ENAH: variants seen among roughly 807,000 people sequenced by gnomAD.
ENAH encodes ENAH actin regulator, also known as protein enabled homolog.
A neutral mutation model predicts 78.7 loss-of-function variants in ENAH; 23 were observed. That is an observed-to-expected ratio of 0.29 (90% CI 0.21 to 0.41). The LOEUF is 0.41. Ranked by LOEUF, ENAH falls within the 10% of genes least tolerant of loss-of-function variation. ENAH has a pLI of 1.00. For missense variants in ENAH, 544 were observed against 691.0 expected, an observed-to-expected ratio of 0.79 and a Z score of 2.39; for synonymous variants, 226 against 241.0, an observed-to-expected ratio of 0.94 and a Z score of 0.58.
At chr1:225,607,527 A>AC (rs1037325849) in intron 1 of ENAH, among the ~76,000 whole-genome samples, 2 of 152,038 alleles carry the variant, frequency 1.3e-5, no homozygotes, top group African/African-American at 2.4e-5. Flanking sequence ...AAAAAAAAAA[A>AC]AAAAAACACC....
At chr1:225,522,584 T>C (rs1265737769) in intron 4 of ENAH, among the ~76,000 whole-genome samples, 3 of 152,158 alleles carry the variant, frequency 2.0e-5, no homozygotes, top group Non-Finnish European at 4.4e-5. Context: ...GGGAAGAAAT[T>C]AGATGTATTC....
At chr1:225,563,643 T>C (rs1404013071) in intron 2 of ENAH, among the ~76,000 whole-genome samples, 1 of 152,190 alleles carries the variant, frequency 6.6e-6, no homozygotes. Context: ...AGAAGTGCTT[T>C]TGTTTTGTTT....
chr1:225,652,194 T>C, intron 1 of ENAH: 1 of 338,300 alleles, frequency 3.0e-6, no homozygotes, highest in Non-Finnish European at 4.2e-6. Context: ...CACCTACCCC[T>C]ACCAGAGGCA....
At chr1:225,569,887 C>T (rs867948762) in intron 1 of ENAH, among the ~76,000 whole-genome samples, 3 of 152,062 alleles carry the variant, frequency 2.0e-5, no homozygotes, top group Middle Eastern at 3.2e-3. Flanking sequence ...TTAGCTAAAC[C>T]CAAATAACTG....
chr1:225,528,079 C>T (rs1256245184), intron 4 of ENAH, among the ~76,000 whole-genome samples: 1 of 152,116 alleles, frequency 6.6e-6, no homozygotes, highest in African/African-American at 2.4e-5. Context: ...CTGTCTTATA[C>T]CCCAAAACCT....
At chr1:225,593,388 C>G (rs1328441927) in intron 1 of ENAH, among the ~76,000 whole-genome samples, 2 of 61,176 alleles carry the variant, frequency 3.3e-5, no homozygotes, top group Admixed American at 2.4e-4. Context: ...GCAGCCTGCC[C>G]CTGTGTGTGT....
chr1:225,596,073 T>C (rs928614354), intron 1 of ENAH, among the ~76,000 whole-genome samples: 2 of 152,180 alleles, frequency 1.3e-5, no homozygotes, highest in African/African-American at 4.8e-5. Flanking sequence ...ATTTTTCTAA[T>C]AACAAAGAAA....
intron 11 of ENAH, among the ~76,000 whole-genome samples, chr1:225,503,901 A>T (rs576169928): frequency 2.6e-5 from 4 of 152,218 alleles, no homozygotes; most frequent in South Asian, 4.1e-4. Context: ...ATATTTTTTT[A>T]AAAAATAGAT....
intron 1 of ENAH, among the ~76,000 whole-genome samples, chr1:225,614,717 A>G: frequency 6.6e-6 from 1 of 152,112 alleles, no homozygotes; most frequent in East Asian, 1.9e-4. Context: ...TCATCTCATT[A>G]GCATACAAAA....
intron 3 of ENAH, among the ~76,000 whole-genome samples, chr1:225,539,834 C>A (rs527887060): frequency 6.6e-6 from 1 of 152,156 alleles, no homozygotes; most frequent in Non-Finnish European, 1.5e-5. Flanking sequence ...GCTCAACTGG[C>A]GTGCCTCTTT....
rs2096204915 is a variant in ENAH, at chr1:225,487,380, A to C, written c.*10395T>G. 6.6e-6 allele frequency: 1 copy of C among 152,158 alleles called. No homozygotes were observed. The highest frequency in any genetic ancestry group is 2.4e-5 in the African/African-American group (1 of 41,430). The allele number at this position is 152,158 out of a possible 1,614,324, so 9.4% of individuals were successfully genotyped here. A position where few individuals can be genotyped will look rare whatever the true frequency, so the allele number is the denominator to read the frequency against. The stretch of plus-strand genomic sequence containing the variant: ...CGTTCCCTTCTTAAACGTAGATGTC[A>C]AGCTTAGAAGATGTTTCCTGACAAT... On this transcript the variant is annotated 3_prime_UTR_variant, in exon 14 of 14. Transcript: ENST00000366843.
intron 2 of ENAH, among the ~76,000 whole-genome samples, chr1:225,561,341 A>G (rs1432413860): frequency 6.6e-6 from 1 of 150,548 alleles, no homozygotes; most frequent in African/African-American, 2.4e-5. Flanking sequence ...AAATATTTTC[A>G]GGCTGGGTGC....
chr1:225,503,677 A>AAAC (rs1217578078), intron 11 of ENAH, among the ~76,000 whole-genome samples: 4 of 138,814 alleles, frequency 2.9e-5, no homozygotes, highest in Non-Finnish European at 6.5e-5. Context: ...AAAAAAAAAA[A>AAAC]ACACAAAACT....
chr1:225,517,585 C>G (rs1262053825), intron 5 of ENAH: 6 of 1,551,044 alleles, frequency 3.9e-6, no homozygotes, highest in Non-Finnish European at 5.2e-6. Context: ...AGTAGCTTTG[C>G]CTGGGGGGCT....
rs530498345 is a variant in ENAH, at chr1:225,548,615, C to T, written c.349+6291G>A. On this transcript the variant is annotated intron_variant, in intron 3 of 13. Transcript: ENST00000366843. ...CTCGAAAACCCAATCCCCTTTGTGC[C>T]TCCCTTTCTAGGTATGGACAGCCTG... Among the ~76,000 whole-genome samples, 110 of 152,340 alleles carry T rather than the reference C, an allele frequency of 7.2e-4. 1 individual carries two copies. The highest frequency in any genetic ancestry group is 2.5e-3 in the African/African-American group (103 of 41,582).
At chr1:225,600,169 C>A (rs180860165) in intron 1 of ENAH, among the ~76,000 whole-genome samples, 1 of 152,286 alleles carries the variant, frequency 6.6e-6, no homozygotes, top group South Asian at 2.1e-4. Context: ...TCAGCTATTT[C>A]TTTAGAGCAA....
intron 4 of ENAH, among the ~76,000 whole-genome samples, chr1:225,529,475 C>A (rs150466552): frequency 7.1e-4 from 108 of 152,206 alleles, no homozygotes; most frequent in African/African-American, 2.5e-3. Context: ...AAAATTACAA[C>A]CAGCACTTCC....
At position 225,593,900 on chromosome 1, in the gene ENAH, G is replaced by A. The variant is rs768536349; in HGVS notation, c.6-26486C>T. Among the ~76,000 whole-genome samples the A allele has an allele frequency of 5.3e-5, 8 of 152,168 alleles. No homozygotes were observed. In the East Asian group the frequency reaches 1.5e-3, roughly 29 times the overall value. On this transcript the variant is annotated intron_variant, in intron 1 of 13. Coordinates refer to ENST00000366843, the MANE Select transcript of ENAH (RefSeq NM_018212.6). ...GCTTTTCTGATAATATCAATAAAGT[G>A]TAGTTATTAACAATCAACAGTTGCT... is the stretch of plus-strand genomic sequence containing the variant.
intron 1 of ENAH, among the ~76,000 whole-genome samples, chr1:225,612,321 G>A (rs983007825): frequency 6.6e-6 from 1 of 152,180 alleles, no homozygotes; most frequent in African/African-American, 2.4e-5. Context: ...ACAGAAGCCA[G>A]ACACAAAAAG....
Sources: allele counts gnomAD v4.1 joint callset (sites outside exome capture counted in the v4.1 genomes callset), GRCh38; gene constraint gnomAD v4.1.1; transcripts MANE v1.5; gene names NCBI Gene and HGNC (gene_info 2026-07-23, HGNC 2026-07-21).